Variants in ADAMTSL1 observed in about 807,000 individuals in gnomAD.
The protein encoded by ADAMTSL1 is ADAMTS like 1, also known as ADAMTS-like protein 1.
ADAMTSL1 carries 126 observed loss-of-function variants against 201.8 expected under a neutral mutation model. The ratio of observed to expected loss-of-function variants is 0.62; its 90% CI spans 0.54 to 0.72. ADAMTSL1 has a LOEUF of 0.72. Ranked by LOEUF, ADAMTSL1 falls within the 30% of genes least tolerant of loss-of-function variation. ADAMTSL1 has a pLI of 0.00. For missense variants in ADAMTSL1, 2,679 were observed against 2,277.8 expected, an observed-to-expected ratio of 1.18 and a Z score of -3.59; for synonymous variants, 1,121 against 903.4, an observed-to-expected ratio of 1.24 and a Z score of -4.32.
chr9:17,929,771 T>C (rs1826703468), intron 1 of ADAMTSL1, among the ~76,000 whole-genome samples: 1 of 152,226 alleles, frequency 6.6e-6, no homozygotes, highest in Non-Finnish European at 1.5e-5. Context: ...GACTTCCTTC[T>C]GTGTTAGATG....
At chr9:18,036,761 A>G (rs1052441213) in intron 1 of ADAMTSL1, among the ~76,000 whole-genome samples, 4 of 152,184 alleles carry the variant, frequency 2.6e-5, no homozygotes, top group Admixed American at 2.0e-4. Context: ...TGCTTTCAGT[A>G]TATAGGCCAA....
intron 12 of ADAMTSL1, among the ~76,000 whole-genome samples, chr9:18,683,470 T>C (rs10963721): frequency 0.089 from 13,470 of 151,796 alleles, 809 homozygotes; most frequent in East Asian, 0.23. Flanking sequence ...TGAGCTCAGG[T>C]AATCGCCTCG....
chr9:18,139,969 G>A (rs1000993294), intron 1 of ADAMTSL1, among the ~76,000 whole-genome samples: 5 of 152,120 alleles, frequency 3.3e-5, no homozygotes, highest in East Asian at 1.9e-4. Context: ...TAATGATCTC[G>A]TATTCAAATA....
At chr9:18,346,402 C>A (rs1348802559) in intron 2 of ADAMTSL1, among the ~76,000 whole-genome samples, 4 of 152,086 alleles carry the variant, frequency 2.6e-5, no homozygotes, top group African/African-American at 7.2e-5. Context: ...TGGAGCTGGG[C>A]AGTCTGGGTT....
At position 17,930,428 on chromosome 9, in the gene ADAMTSL1, T is replaced by C. The variant is rs576968340; in HGVS notation, c.87+23506T>C. Among the ~76,000 whole-genome samples, 5 of 152,234 alleles carry C rather than the reference T, an allele frequency of 3.3e-5. No homozygotes were observed. In the East Asian group the frequency reaches 9.7e-4, roughly 30 times the overall value. ...TTTTGTATTCTTAACTAGGCTCAAA[T>C]CTGGTAGGGTTCCATTCCCTCTTGT... On this transcript the variant is annotated intron_variant, in intron 1 of 29. Transcript: ENST00000680146.
intron 1 of ADAMTSL1, among the ~76,000 whole-genome samples, chr9:18,133,738 C>T (rs1826043793): frequency 6.6e-6 from 1 of 152,034 alleles, no homozygotes; most frequent in African/African-American, 2.4e-5. Flanking sequence ...TCAGAATCCC[C>T]TGTGCTTGTG....
chr9:18,647,746 G>A (rs1161078750), intron 7 of ADAMTSL1, among the ~76,000 whole-genome samples: 2 of 151,654 alleles, frequency 1.3e-5, no homozygotes, highest in Non-Finnish European at 2.9e-5. Flanking sequence ...ACTGTGGTCT[G>A]AGAGACAGTT....
intron 16 of ADAMTSL1, among the ~76,000 whole-genome samples, chr9:18,758,427 T>C (rs1366463894): frequency 2.6e-5 from 4 of 152,206 alleles, no homozygotes; most frequent in Non-Finnish European, 2.9e-5. Context: ...TACTCTCTTA[T>C]AGTTCTGGAG....
chr9:18,094,652 C>T (rs1163908618), intron 1 of ADAMTSL1, among the ~76,000 whole-genome samples: 1 of 151,728 alleles, frequency 6.6e-6, no homozygotes, highest in Non-Finnish European at 1.5e-5. Context: ...CCTCCACCTC[C>T]TGGGTTCAAG....
intron 5 of ADAMTSL1, among the ~76,000 whole-genome samples, chr9:18,625,243 A>G (rs1403290282): frequency 6.7e-6 from 1 of 149,332 alleles, no homozygotes; most frequent in East Asian, 2.0e-4. Context: ...CCCACATTGA[A>G]CTCACTTTCT....
chr9:18,289,172 T>TCTATCTATCTACCTAC (rs1554650791), intron 2 of ADAMTSL1, among the ~76,000 whole-genome samples: 14 of 138,194 alleles, frequency 1.0e-4, no homozygotes, highest in South Asian at 2.2e-4. Flanking sequence ...TATCTATCTA[T>TCTATCTATCTACCTAC]CTACCTACCT....
At chr9:18,035,297 T>A (rs1291648492) in intron 1 of ADAMTSL1, among the ~76,000 whole-genome samples, 1 of 152,200 alleles carries the variant, frequency 6.6e-6, no homozygotes, top group Non-Finnish European at 1.5e-5. Flanking sequence ...TTTTTGCACA[T>A]CCTGAATTCA....
chr9:18,696,493 T>TTAAAAGC (rs777014889), intron 13 of ADAMTSL1, among the ~76,000 whole-genome samples: 3 of 152,162 alleles, frequency 2.0e-5, no homozygotes, highest in Non-Finnish European at 2.9e-5. Flanking sequence ...TAGGAGACAA[T>TTAAAAGC]TAAAAGCTTT....
chr9:18,823,345 TC>T (rs1160689912), intron 21 of ADAMTSL1, among the ~76,000 whole-genome samples: 1 of 152,180 alleles, frequency 6.6e-6, no homozygotes, highest in Non-Finnish European at 1.5e-5. Context: ...TCCCATGAAG[TC>T]CCCTGCTGTC....
chr9:18,378,919 G>T (rs757181018), intron 2 of ADAMTSL1, among the ~76,000 whole-genome samples: 14 of 152,146 alleles, frequency 9.2e-5, no homozygotes, highest in African/African-American at 3.1e-4. Flanking sequence ...GAAGGGATAG[G>T]GTTGAGAATC....
intron 15 of ADAMTSL1, among the ~76,000 whole-genome samples, chr9:18,751,315 AT>A (rs1310853417): frequency 6.6e-6 from 1 of 152,176 alleles, no homozygotes; most frequent in Non-Finnish European, 1.5e-5. Context: ...TTTTCAAGGT[AT>A]TTTTTGGAGA....
At chr9:18,716,909 TA>T (rs1186743081) in intron 14 of ADAMTSL1, among the ~76,000 whole-genome samples, 1 of 139,146 alleles carries the variant, frequency 7.2e-6, no homozygotes, top group Non-Finnish European at 1.6e-5. Flanking sequence ...TATGCAGCCA[TA>T]AAAAATGATG....
intron 2 of ADAMTSL1, among the ~76,000 whole-genome samples, chr9:18,407,876 T>C (rs1231386894): frequency 6.6e-6 from 1 of 152,190 alleles, no homozygotes; most frequent in Non-Finnish European, 1.5e-5. Context: ...TTCCAGCAGC[T>C]TTGCTAGGAG....
At chr9:17,938,467 G>A (rs542871994) in intron 1 of ADAMTSL1, among the ~76,000 whole-genome samples, 2 of 152,266 alleles carry the variant, frequency 1.3e-5, no homozygotes, top group South Asian at 4.2e-4. Context: ...AGGGTGCGAT[G>A]TCATCTCCAT....
Sources: allele counts gnomAD v4.1 joint callset (sites outside exome capture counted in the v4.1 genomes callset), GRCh38; gene constraint gnomAD v4.1.1; transcripts MANE v1.5; gene names NCBI Gene and HGNC (gene_info 2026-07-23, HGNC 2026-07-21).